VN1R1: variants seen among roughly 807,000 people sequenced by gnomAD.
VN1R1 encodes the protein vomeronasal 1 receptor 1.
For synonymous variants in VN1R1, 168 were observed against 149.8 expected (o/e 1.12, Z -0.89); for missense variants, 391 against 410.3 (o/e 0.95, Z 0.41).
chr19:57,455,223 T>C lies in VN1R1; in HGVS notation c.*202A>G. ...AACTTTTTGATTTCCTGAACTTGTCTGAAGGACTTAACACAGTTATATAGA... is the reference window on the plus strand; with the variant it reads ...AACTTTTTGATTTCCTGAACTTGTCCGAAGGACTTAACACAGTTATATAGA... On this transcript the variant is annotated 3_prime_UTR_variant, in exon 1 of 1. Transcript: ENST00000321039. The C allele has an allele frequency of 2.0e-6, 1 of 496,970 alleles. No individual in the cohort carries two copies. Among genetic ancestry groups the C allele is most frequent in the South Asian group, 3.8e-5 (1 of 26,664 alleles). 30.8% of individuals were successfully genotyped at this position (496,970 alleles called of 1,614,324 possible).
In VN1R1 at chr19:57,456,655, C is replaced by A; in HGVS notation, c.-169G>T. On this transcript the variant is annotated 5_prime_UTR_variant, in exon 1 of 1. Transcript: ENST00000321039. ...CTTACACACATGCAACAAGTAAATA[C>A]AAGCAAAACTAGGGAAATATATAAA... 1 of 512,728 alleles carries A rather than the reference C, an allele frequency of 2.0e-6. No individual in the cohort carries two copies. The highest frequency in any genetic ancestry group is 3.4e-6 in the Non-Finnish European group (1 of 295,356). The allele number at this position is 512,728 out of a possible 1,614,324, so 31.8% of individuals were successfully genotyped here. A position where few individuals can be genotyped will look rare whatever the true frequency, so the allele number is the denominator to read the frequency against.
At position 57,456,419 on chromosome 19, in the gene VN1R1, G is replaced by C. The variant is rs755482934; in HGVS notation, c.68C>G (p.Ser23Cys). 1.9e-6 allele frequency: 3 copies of C among 1,605,258 alleles called. No homozygotes were observed. Among genetic ancestry groups the C allele is most frequent in the Admixed American group, 1.7e-5 (1 of 59,224 alleles). The change falls in exon 1 of 1, where the codon TCT (serine) becomes TGT (cysteine). Residue 23 changes from serine to cysteine, a missense_variant. Coordinates refer to ENST00000321039, the MANE Select transcript of VN1R1 (RefSeq NM_020633.4). ...TTCATTGAGGTCTGAAGAATCAGTAGAATAAAAAAGCAGAAAGAAGTATCT... is the reference window on the plus strand; with the variant it reads ...TTCATTGAGGTCTGAAGAATCAGTACAATAAAAAAGCAGAAAGAAGTATCT... Reference protein sequence around the residue: ...MTRYFFLLFYSTDSSDLNENQ... With the variant: ...MTRYFFLLFYCTDSSDLNENQ...
rs144759389 is a variant in VN1R1, at chr19:57,455,692, A to G, written c.795T>C (p.Pro265=). The change falls in exon 1 of 1, where the codon CCT becomes CCC. Residue 265 remains proline (P), a synonymous_variant. Coordinates refer to ENST00000321039, the MANE Select transcript of VN1R1 (RefSeq NM_020633.4). ...HNHSNRLSCR[P]SQEARATHTI... ...TGTGTGTGGCTCTGGCTTCCTGGGAAGGTCTGCAGGAGAGTCTGTTGCTGT... is the reference window on the plus strand; with the variant it reads ...TGTGTGTGGCTCTGGCTTCCTGGGAGGGTCTGCAGGAGAGTCTGTTGCTGT... The G allele has an allele frequency of 5.2e-5, 84 of 1,614,154 alleles. No individual in the cohort carries two copies. In the African/African-American group the frequency reaches 1.0e-3, roughly 20 times the overall value.
rs61744949 is a variant in VN1R1, at chr19:57,455,681, G to T, written c.806C>A (p.Ala269Asp). ...NRLSCRPSQEARATHTIMVLV... is the reference protein window; with the variant it reads ...NRLSCRPSQEDRATHTIMVLV... ...GACCATGATGGTGTGTGTGGCTCTG[G>T]CTTCCTGGGAAGGTCTGCAGGAGAG... The change falls in exon 1 of 1, where the codon GCC (alanine) becomes GAC (aspartate). Residue 269 changes from alanine to aspartate, a missense_variant. Transcript: ENST00000321039. 0.32 allele frequency: 511,814 copies of T among 1,613,880 alleles called. 86,731 individuals carry two copies. The highest frequency in any genetic ancestry group is 0.62 in the East Asian group (27,928 of 44,864).
At position 57,456,456 on chromosome 19, in the gene VN1R1, G is replaced by C; in HGVS notation, c.31C>G (p.Pro11Ala). Reference sequence around the variant, plus strand: ...AGAAAGAAGTATCTTGTCATCAGTGGAGACAGAAGTTTTAATGTGTCTCCA... The same window carrying C: ...AGAAAGAAGTATCTTGTCATCAGTGCAGACAGAAGTTTTAATGTGTCTCCA... MVGDTLKLLS[P>A]LMTRYFFLLF... Residue 11 changes from proline to alanine, a missense_variant, in exon 1 of 1, where the codon CCA becomes GCA. Transcript: ENST00000321039. 1 of 1,586,538 alleles carries C rather than the reference G, an allele frequency of 6.3e-7. No individual in the cohort carries two copies.
rs139353138 is a variant in VN1R1 at position 57,456,233 on chromosome 19, A to G, written c.254T>C (p.Leu85Ser). 1.3e-5 allele frequency: 21 copies of G among 1,614,112 alleles called. No individual in the cohort carries two copies. In the African/African-American group the frequency reaches 2.4e-4, roughly 18 times the overall value. Reference sequence around the variant, plus strand: ...AGCCAAGGCCAGTTGGCTGAGAATCAAGTCCGTGGGTCTCAGCTTGTGTCC... The same window carrying G: ...AGCCAAGGCCAGTTGGCTGAGAATCGAGTCCGTGGGTCTCAGCTTGTGTCC... ...FTGHKLRPTD[L>S]ILSQLALANS... is the part of the protein sequence containing the mutation. Residue 85 changes from leucine to serine, a missense_variant, in exon 1 of 1, where the codon TTG becomes TCG. By Grantham distance (145) the Leu-to-Ser change is moderately radical. Transcript: ENST00000321039.
chr19:57,455,326 G>T lies in VN1R1; in HGVS notation c.*99C>A. 1 of 1,096,184 alleles carries T rather than the reference G, an allele frequency of 9.1e-7. No homozygotes were observed. The highest frequency in any genetic ancestry group is 1.3e-6 in the Non-Finnish European group (1 of 764,746). 67.9% of individuals were successfully genotyped at this position (1,096,184 alleles called of 1,614,324 possible). A position where few individuals can be genotyped will look rare whatever the true frequency, so the allele number is the denominator to read the frequency against. On this transcript the variant is annotated 3_prime_UTR_variant, in exon 1 of 1. Transcript: ENST00000321039. Reference sequence around the variant, plus strand: ...ATCTTCCTGGACAAGAGCATTACTGGCCATGTGTATGTTGCTATCACAAAT... The same window carrying T: ...ATCTTCCTGGACAAGAGCATTACTGTCCATGTGTATGTTGCTATCACAAAT...
rs1046224531 is a variant in VN1R1, at chr19:57,456,783, G to T, written c.-297C>A. The stretch of plus-strand genomic sequence containing the variant: ...GGGTAATATGGACAGGGCTTTTTCT[G>T]TATTATTTCTTATGACTGCTTGTGA... On this transcript the variant is annotated 5_prime_UTR_variant, in exon 1 of 1. Coordinates refer to ENST00000321039, the MANE Select transcript of VN1R1 (RefSeq NM_020633.4). 3.9e-6 allele frequency: 1 copy of T among 257,314 alleles called. No individual in the cohort carries two copies. The highest frequency in any genetic ancestry group is 7.3e-6 in the Non-Finnish European group (1 of 137,238). The allele number at this position is 257,314 out of a possible 1,614,324, so 15.9% of individuals were successfully genotyped here. A position where few individuals can be genotyped will look rare whatever the true frequency, so the allele number is the denominator to read the frequency against.
At position 57,456,539 on chromosome 19, in the gene VN1R1, T is replaced by C; in HGVS notation, c.-53A>G. ...ATTGTCCCTGTTCGTGCAAAGGCAA[T>C]TGCTTGTGTGTCCAACTGCAGAGAA... On this transcript the variant is annotated 5_prime_UTR_variant, in exon 1 of 1. Coordinates refer to ENST00000321039, the MANE Select transcript of VN1R1 (RefSeq NM_020633.4). The C allele has an allele frequency of 6.9e-7, 1 of 1,446,860 alleles. No individual in the cohort carries two copies. The highest frequency in any genetic ancestry group is 1.4e-5 in the African/African-American group (1 of 70,414). The allele number at this position is 1,446,860 out of a possible 1,614,324, so 89.6% of individuals were successfully genotyped here.
In VN1R1 at chr19:57,455,656, G is replaced by C. The variant is rs750513310; in HGVS notation, c.831C>G (p.Val277=). The C allele has an allele frequency of 6.2e-7, 1 of 1,614,132 alleles. No individual in the cohort carries two copies. Among genetic ancestry groups the C allele is most frequent in the South Asian group, 1.1e-5 (1 of 91,072 alleles). Reference sequence around the variant, plus strand: ...AGAAAACAAAAAAGGAGCTCACCAGGACCATGATGGTGTGTGTGGCTCTGG... The same window carrying C: ...AGAAAACAAAAAAGGAGCTCACCAGCACCATGATGGTGTGTGTGGCTCTGG... ...QEARATHTIM[V]LVSSFFVFYS... is the part of the protein sequence containing the mutation. The change falls in exon 1 of 1, where the codon GTC becomes GTG. Residue 277 remains valine, a synonymous_variant. Transcript: ENST00000321039.
rs2089134282 is a variant in VN1R1 at position 57,456,684 on chromosome 19, A to G, written c.-198T>C. 1 of 491,132 alleles carries G rather than the reference A, an allele frequency of 2.0e-6. No homozygotes were observed. The highest frequency in any genetic ancestry group is 1.9e-5 in the African/African-American group (1 of 51,324). 30.4% of individuals were successfully genotyped at this position (491,132 alleles called of 1,614,324 possible). ...CAAAACTAGGGAAATATATAAAAAC[A>G]GAACACAGAAGAGTCAATATCATTA... On this transcript the variant is annotated 5_prime_UTR_variant, in exon 1 of 1. Transcript: ENST00000321039.
chr19:57,455,364 A>C lies in VN1R1; in HGVS notation c.*61T>G, dbSNP rs1394600135. The stretch of plus-strand genomic sequence containing the variant: ...TGCTATCACAAATAACTAGTAGTTA[A>C]TATTTCCTAAATCTTAGCAAGAGTT... On this transcript the variant is annotated 3_prime_UTR_variant, in exon 1 of 1. Transcript: ENST00000321039. 1.4e-5 allele frequency: 21 copies of C among 1,458,710 alleles called. No homozygotes were observed. Among genetic ancestry groups the C allele is most frequent in the Non-Finnish European group, 2.0e-5 (21 of 1,073,286 alleles). The allele number at this position is 1,458,710 out of a possible 1,614,324, so 90.4% of individuals were successfully genotyped here.
rs755505752 is a variant in VN1R1 at position 57,456,200 on chromosome 19, A to G, written c.287T>C (p.Met96Thr). The change falls in exon 1 of 1, where the codon ATG becomes ACG. Residue 96 changes from methionine to threonine, a missense_variant. Transcript: ENST00000321039. The stretch of plus-strand genomic sequence containing the variant: ...AGGTATCCCTTTAAAGAAAAGGACC[A>G]TGGAGTTAGCCAAGGCCAGTTGGCT... ...ILSQLALANS[M>T]VLFFKGIPQT... 7 of 1,614,242 alleles carry G rather than the reference A, an allele frequency of 4.3e-6. No homozygotes were observed. Among genetic ancestry groups the G allele is most frequent in the Non-Finnish European group, 5.1e-6 (6 of 1,180,042 alleles).
Position 57,455,437 on chromosome 19 carries a change from A to C in VN1R1, c.1050T>G (p.Val350=), listed in dbSNP as rs2089124805. The C allele has an allele frequency of 8.7e-6, 14 of 1,610,288 alleles. No individual in the cohort carries two copies. Among genetic ancestry groups the C allele is most frequent in the Non-Finnish European group, 1.2e-5 (14 of 1,178,110 alleles). The change falls in exon 1 of 1, where the codon GTT becomes GTG. Residue 350 remains valine, a synonymous_variant. Transcript: ENST00000321039. The part of the protein sequence containing the change: ...RTRKTLFPNL[V]VMP ...GAAGAGAAAAGACTCATGGCATGAC[A>C]ACCAGATTAGGAAAGAGTGTTTTCC...
Position 57,456,299 on chromosome 19 carries a change from T to G in VN1R1, c.188A>C (p.Asn63Thr). 4.3e-6 allele frequency: 7 copies of G among 1,612,700 alleles called. No homozygotes were observed. Among genetic ancestry groups the G allele is most frequent in the South Asian group, 1.1e-5 (1 of 90,940 alleles). Reference protein sequence around the residue: ...LIQTGVGILGNSFLLCFYNLI... With the variant: ...LIQTGVGILGTSFLLCFYNLI... ...GTTATAAAAACAAAGGAGAAAGGAATTTCCCAGGATCCCAACTCCAGTCTG... is the reference window on the plus strand; with the variant it reads ...GTTATAAAAACAAAGGAGAAAGGAAGTTCCCAGGATCCCAACTCCAGTCTG... The change falls in exon 1 of 1, where the codon AAT (asparagine) becomes ACT (threonine). Residue 63 changes from asparagine (N) to threonine (T), a missense_variant. Coordinates refer to ENST00000321039, the MANE Select transcript of VN1R1 (RefSeq NM_020633.4).
rs2089125633 is a variant in VN1R1 at position 57,455,540 on chromosome 19, C to G, written c.947G>C (p.Cys316Ser). The stretch of plus-strand genomic sequence containing the variant: ...GACAAAAGGGCTGCGTGCTGGGAAA[C>G]ATGAGGCGACCAACACAGAGTTGGT... ...IVTNSVLVAS[C>S]FPARSPFVLI... Residue 316 changes from cysteine to serine, a missense_variant, in exon 1 of 1, where the codon TGT (cysteine) becomes TCT (serine). Transcript: ENST00000321039. 2 of 1,614,146 alleles carry G rather than the reference C, an allele frequency of 1.2e-6. No homozygotes were observed. Among genetic ancestry groups the G allele is most frequent in the East Asian group, 4.5e-5 (2 of 44,876 alleles).
rs2089131186 is a variant in VN1R1 at position 57,456,214 on chromosome 19, G to A, written c.273C>T (p.Ala91=). 1.2e-6 allele frequency: 2 copies of A among 1,614,224 alleles called. No individual in the cohort carries two copies. The highest frequency in any genetic ancestry group is 8.5e-7 in the Non-Finnish European group (1 of 1,180,042). Residue 91 remains alanine (A), a synonymous_variant, in exon 1 of 1, where the codon GCC becomes GCT. Transcript: ENST00000321039. ...RPTDLILSQL[A]LANSMVLFFK... ...AGAAAAGGACCATGGAGTTAGCCAA[G>A]GCCAGTTGGCTGAGAATCAAGTCCG... is the stretch of plus-strand genomic sequence containing the variant.
chr19:57,455,857 G>A lies in VN1R1; in HGVS notation c.630C>T (p.Tyr210=). The A allele has an allele frequency of 6.2e-7, 1 of 1,614,190 alleles. No homozygotes were observed. Among genetic ancestry groups the A allele is most frequent in the Non-Finnish European group, 8.5e-7 (1 of 1,180,038 alleles). ...ATGAGCTAAATCTCTTTGATGCTTT[G>A]TAAGAACAGTATCCATAATTGTTTT... is the stretch of plus-strand genomic sequence containing the variant. ...SAKNNYGYCS[Y]KASKRFSSLH... Residue 210 remains tyrosine (Y), a synonymous_variant, in exon 1 of 1, where the codon TAC becomes TAT. Coordinates refer to ENST00000321039, the MANE Select transcript of VN1R1 (RefSeq NM_020633.4).
rs1442633546 is a variant in VN1R1 at position 57,456,715 on chromosome 19, A to G, written c.-229T>C. 4 of 424,536 alleles carry G rather than the reference A, an allele frequency of 9.4e-6. No homozygotes were observed. Among genetic ancestry groups the G allele is most frequent in the Non-Finnish European group, 1.2e-5 (3 of 240,424 alleles). The allele number at this position is 424,536 out of a possible 1,614,324, so 26.3% of individuals were successfully genotyped here. ...CAGAAGAGTCAATATCATTAGAGTG[A>G]TATTATACTATAGTTTGCAAAATGT... On this transcript the variant is annotated 5_prime_UTR_variant, in exon 1 of 1. Coordinates refer to ENST00000321039, the MANE Select transcript of VN1R1 (RefSeq NM_020633.4).
Sources: allele counts gnomAD v4.1 joint callset, GRCh38; gene constraint gnomAD v4.1.1; transcripts MANE v1.5; gene names NCBI Gene and HGNC (gene_info 2026-07-23, HGNC 2026-07-21).